Variants in IQGAP1 observed in about 807,000 individuals in gnomAD.
The protein encoded by IQGAP1 is IQ motif containing GTPase activating protein 1, also known as ras GTPase-activating-like protein IQGAP1.
Under a neutral mutation model 215.6 loss-of-function variants are expected in IQGAP1, and 66 were observed. The ratio of observed to expected loss-of-function variants is 0.31; its 90% CI spans 0.25 to 0.38. The LOEUF (loss-of-function observed/expected upper bound fraction) is 0.38. IQGAP1 is among the 10% of genes least tolerant of loss of function. IQGAP1 has a pLI of 1.00. For missense variants in IQGAP1, 1,712 were observed against 1,997.1 expected (o/e 0.86, Z 2.72); for synonymous variants, 772 against 728.7 (o/e 1.06, Z -0.96).
chr15:90,434,492 C>T (rs1965344772), intron 5 of IQGAP1, among the ~76,000 whole-genome samples: 1 of 151,824 alleles, frequency 6.6e-6, no homozygotes, highest in African/African-American at 2.4e-5. Flanking sequence ...CCAACACAAA[C>T]ATGATAGTAA....
chr15:90,413,510 C>T (rs1357809308), intron 2 of IQGAP1, among the ~76,000 whole-genome samples: 1 of 152,054 alleles, frequency 6.6e-6, no homozygotes, highest in Non-Finnish European at 1.5e-5. Flanking sequence ...ACCATATTAG[C>T]CAATAGGTCA....
At chr15:90,402,835 A>T (rs143529499) in intron 2 of IQGAP1, among the ~76,000 whole-genome samples, 1 of 152,370 alleles carries the variant, frequency 6.6e-6, no homozygotes, top group African/African-American at 2.4e-5. Flanking sequence ...TAACATTTAA[A>T]TAGAAAAAGT....
At chr15:90,481,075 A>G (rs1966051338) in intron 26 of IQGAP1, among the ~76,000 whole-genome samples, 2 of 152,110 alleles carry the variant, frequency 1.3e-5, no homozygotes, top group Middle Eastern at 3.2e-3. Context: ...ATTTGAAACC[A>G]TTATCATGAA....
chr15:90,393,255 C>T (rs1039379601), intron 2 of IQGAP1, among the ~76,000 whole-genome samples: 28 of 152,080 alleles, frequency 1.8e-4, no homozygotes, highest in Admixed American at 4.6e-4. Context: ...TCCACAGTTG[C>T]TCAACTTCCT....
At chr15:90,490,896 C>T (rs1017615942) in intron 33 of IQGAP1, among the ~76,000 whole-genome samples, 2 of 152,184 alleles carry the variant, frequency 1.3e-5, no homozygotes, top group Non-Finnish European at 2.9e-5. Flanking sequence ...GCAAGCTCCA[C>T]CTCCTGGGTT....
At position 90,472,934 on chromosome 15, in the gene IQGAP1, G is replaced by A; in HGVS notation, c.2273G>A (p.Gly758Glu). The A allele has an allele frequency of 6.2e-7, 1 of 1,614,026 alleles. No homozygotes were observed. Among genetic ancestry groups the A allele is most frequent in the Non-Finnish European group, 8.5e-7 (1 of 1,179,974 alleles). ...LITRLQARCR[G>E]YLVRQEFRSR... ...ACCAGGCTGCAGGCTCGCTGCCGTGGATACTTAGTTCGACAGGAATTCCGA... is the reference window on the plus strand; with the variant it reads ...ACCAGGCTGCAGGCTCGCTGCCGTGAATACTTAGTTCGACAGGAATTCCGA... The change falls in exon 19 of 38, where the codon GGA (glycine) becomes GAA (glutamate). Residue 758 changes from glycine (G) to glutamate (E), a missense_variant. By Grantham distance (98) the Gly-to-Glu change is moderately conservative. Around this residue, in one of 2 missense-constraint regions of IQGAP1, gnomAD observed 1,021 missense variants for 1,074.2 expected, o/e 0.95. Coordinates refer to ENST00000268182, the MANE Select transcript of IQGAP1 (RefSeq NM_003870.4).
chr15:90,467,765 G>A (rs1965851779), intron 18 of IQGAP1, among the ~76,000 whole-genome samples, 173 bp downstream of exon 18: 1 of 152,120 alleles, frequency 6.6e-6, no homozygotes, highest in Non-Finnish European at 1.5e-5. Context: ...ACTGAGGCCT[G>A]AATTTGTAAA....
intron 2 of IQGAP1, among the ~76,000 whole-genome samples, chr15:90,413,651 G>T (rs1166428744): frequency 6.6e-6 from 1 of 152,176 alleles, no homozygotes; most frequent in South Asian, 2.1e-4. Context: ...CTGGAACCAG[G>T]TGCCGATTTT....
chr15:90,448,598 C>T lies in IQGAP1; in HGVS notation c.939C>T (p.Asp313=), dbSNP rs975673211. 5 of 1,594,928 alleles carry T rather than the reference C, an allele frequency of 3.1e-6. No homozygotes were observed. Among genetic ancestry groups the T allele is most frequent in the Non-Finnish European group, 4.3e-6 (5 of 1,171,508 alleles). The part of the protein sequence containing the change: ...VNTFSALANI[D]LALEQGDALA... ...CATTTTCTGCATTAGCAAATATCGACCTGGCTTTAGAACAAGGAGATGCAC... is the reference window on the plus strand; with the variant it reads ...CATTTTCTGCATTAGCAAATATCGATCTGGCTTTAGAACAAGGAGATGCAC... Residue 313 remains aspartate, a synonymous_variant, in exon 10 of 38, where the codon GAC becomes GAT. Coordinates refer to ENST00000268182, the MANE Select transcript of IQGAP1 (RefSeq NM_003870.4).
At position 90,443,200 on chromosome 15, in the gene IQGAP1, A is replaced by G. The variant is rs542801137; in HGVS notation, c.829-194A>G. ...GATCTCAAACTCTTGGCTTCAAGCC[A>G]TCTTCCCACCTTGGCCTTCCAAAGC... is the stretch of plus-strand genomic sequence containing the variant. On this transcript the variant is annotated intron_variant, in intron 8 of 37. Coordinates refer to ENST00000268182, the MANE Select transcript of IQGAP1 (RefSeq NM_003870.4). Among the ~76,000 whole-genome samples the G allele has an allele frequency of 2.6e-4, 39 of 152,290 alleles. 2 individuals are homozygous for G. The South Asian group carries it at 7.9e-3, about 31-fold the overall frequency.
At chr15:90,476,901 A>T (rs1190623961) in intron 24 of IQGAP1, 83 bp downstream of exon 24, 3 of 1,490,614 alleles carry the variant, frequency 2.0e-6, no homozygotes, top group Non-Finnish European at 2.7e-6. Context: ...ATCTCTCTGG[A>T]AGTATTTTTG....
chr15:90,429,530 T>G (rs1276098218), intron 3 of IQGAP1, 59 bp from the exon 4 acceptor site: 1 of 1,304,742 alleles, frequency 7.7e-7, no homozygotes, highest in South Asian at 1.4e-5. Flanking sequence ...GAAGAGAGTT[T>G]TTATTTAATA....
At chr15:90,479,105 A>G (rs1012975042) in intron 26 of IQGAP1, among the ~76,000 whole-genome samples, 7 of 152,302 alleles carry the variant, frequency 4.6e-5, no homozygotes, top group Middle Eastern at 6.8e-3. Context: ...GAGTTAGATC[A>G]TGCATGAAGC....
intron 2 of IQGAP1, among the ~76,000 whole-genome samples, chr15:90,406,969 G>A (rs1244380312): frequency 6.6e-6 from 1 of 152,194 alleles, no homozygotes; most frequent in Non-Finnish European, 1.5e-5. Flanking sequence ...TGGTTCCACT[G>A]TCCTCTGGAC....
At chr15:90,482,125 C>T (rs201869232) in intron 27 of IQGAP1, 25 bp downstream of exon 27, 833 of 1,614,162 alleles carry the variant, frequency 5.2e-4, no homozygotes, top group Non-Finnish European at 6.7e-4. Context: ...TTGTCATGAC[C>T]CCCAGTAGAA....
chr15:90,457,595 A>ATTTTTTTTT (rs34550575), intron 15 of IQGAP1, among the ~76,000 whole-genome samples: 8 of 131,376 alleles, frequency 6.1e-5, no homozygotes, highest in Non-Finnish European at 6.4e-5. Context: ...CCTGGCTAAA[A>ATTTTTTTTT]TTTTTTTTTT....
At position 90,492,707 on chromosome 15, in the gene IQGAP1, G is replaced by C; in HGVS notation, c.4624G>C (p.Gly1542Arg). 1.2e-6 allele frequency: 2 copies of C among 1,603,650 alleles called. No homozygotes were observed. The highest frequency in any genetic ancestry group is 1.7e-6 in the Non-Finnish European group (2 of 1,177,090). The change falls in exon 35 of 38, where the codon GGC (glycine) becomes CGC (arginine). Residue 1542 changes from glycine (G) to arginine (R), a missense_variant. Physicochemically the swap from Gly to Arg is moderately radical, Grantham distance 125. This residue lies in a region of IQGAP1 where 691 missense variants were observed against 923.0 expected (regional missense o/e 0.75). Transcript: ENST00000268182. ...CTGCTTGGATAACTTAGCCAGCAAG[G>C]GCAAGTGAGTATTTTTTCTTTTTAA... ...KTCLDNLASKGKVSKKPREMK... is the reference protein window; with the variant it reads ...KTCLDNLASKRKVSKKPREMK...
chr15:90,456,034 C>A (rs1243861423), intron 14 of IQGAP1, 118 bp from the exon 15 acceptor site: 2 of 750,448 alleles, frequency 2.7e-6, no homozygotes, highest in Non-Finnish European at 4.2e-6. Flanking sequence ...TGGTAAGTTG[C>A]AGTTTGAATC....
At chr15:90,448,835 C>A in intron 10 of IQGAP1, 99 bp downstream of exon 10, 1 of 1,089,914 alleles carries the variant, frequency 9.2e-7, no homozygotes, top group Non-Finnish European at 1.2e-6. Context: ...GTTTTTCCCC[C>A]AATACGACTT....
Sources: allele counts gnomAD v4.1 joint callset (sites outside exome capture counted in the v4.1 genomes callset), GRCh38; gene constraint gnomAD v4.1.1; regional missense constraint gnomAD v4.1.1; transcripts MANE v1.5; gene names NCBI Gene and HGNC (gene_info 2026-07-23, HGNC 2026-07-21).